The following POU2F2 variants were observed in gnomAD, a reference collection of about 807,000 sequenced individuals.
The protein encoded by POU2F2 is POU class 2 homeobox 2, also known as POU domain, class 2, transcription factor 2.
In POU2F2, 14 loss-of-function variants were observed where a neutral mutation model predicts 63.5. The ratio of observed to expected loss-of-function variants is 0.22; its 90% CI spans 0.15 to 0.34. The LOEUF is 0.34. Ranked by LOEUF, POU2F2 falls within the 10% of genes least tolerant of loss-of-function variation. The probability of loss-of-function intolerance (pLI) is 1.00; values close to 1 mark genes in which losing one functional copy is unlikely to be tolerated. For synonymous variants in POU2F2, 306 were observed against 348.6 expected, an observed-to-expected ratio of 0.88 and a Z score of 1.36; for missense variants, 607 against 815.2, an observed-to-expected ratio of 0.74 and a Z score of 3.11.
At chr19:42,174,593 C>T (rs375609966) in intron 1 of POU2F2, among the ~76,000 whole-genome samples, 9 of 151,848 alleles carry the variant, frequency 5.9e-5, no homozygotes, top group Middle Eastern at 3.4e-3. Flanking sequence ...ACACATGTCA[C>T]GATTCTACAC....
chr19:42,093,826 G>A lies in POU2F2; in HGVS notation c.1264+3C>T. The A allele has an allele frequency of 6.2e-7, 1 of 1,608,250 alleles. No individual in the cohort carries two copies. The highest frequency in any genetic ancestry group is 1.1e-5 in the South Asian group (1 of 90,580). Reference sequence around the variant, plus strand: ...CCCCTCACCATTTTCTGCCCTCCCTGACCTGTTGTGCTCAGACTGCTGGAA... The same window carrying A: ...CCCCTCACCATTTTCTGCCCTCCCTAACCTGTTGTGCTCAGACTGCTGGAA... On this transcript the variant is annotated splice_donor_region_variant and intron_variant, in intron 12 of 14. Transcript: ENST00000692977.
At chr19:42,147,050 C>T (rs1023737471) in intron 2 of POU2F2, among the ~76,000 whole-genome samples, 1 of 152,192 alleles carries the variant, frequency 6.6e-6, no homozygotes, top group Non-Finnish European at 1.5e-5. Flanking sequence ...CCCCTTGGCC[C>T]CCAAAGGGGG....
At chr19:42,197,582 G>T (rs2035165949), upstream of POU2F2, among the ~76,000 whole-genome samples, 1 of 152,160 alleles carries the variant, frequency 6.6e-6, no homozygotes, top group Non-Finnish European at 1.5e-5. Flanking sequence ...CCCTGAGGAA[G>T]GAAAACCCTG....
At position 42,092,114 on chromosome 19, in the gene POU2F2, C is replaced by T. The variant is rs995879478; in HGVS notation, c.1421G>A (p.Gly474Asp). Reference sequence around the variant, plus strand: ...TGACAAGCCGATAGCCGAGTGGCTGCCTTGAGGGCTGGGGTTTGTGCTGTT... The same window carrying T: ...TGACAAGCCGATAGCCGAGTGGCTGTCTTGAGGGCTGGGGTTTGTGCTGTT... ...TTNSTNPSPQGSHSAIGLSGL... is the reference protein window; with the variant it reads ...TTNSTNPSPQDSHSAIGLSGL... Residue 474 changes from glycine (G) to aspartate (D), a missense_variant, in exon 13 of 15, where the codon GGC becomes GAC. Coordinates refer to ENST00000692977, the MANE Select transcript of POU2F2 (RefSeq NM_001394376.1). The surrounding 1 kb of genome is among the most constrained non-coding windows in gnomAD (Gnocchi z 5.0). 9 of 1,591,134 alleles carry T rather than the reference C, an allele frequency of 5.7e-6. No individual in the cohort carries two copies. The highest frequency in any genetic ancestry group is 7.7e-6 in the Non-Finnish European group (9 of 1,170,028).
In POU2F2 at chr19:42,132,414, T is replaced by C; in HGVS notation, c.-3A>G. ...GCCCCCATGCTGGAGTGAACCATGC[T>C]GCCCGCCCCGCCAGGGCTGGGGGAA... On this transcript the variant is annotated 5_prime_UTR_variant, in exon 1 of 15. Coordinates refer to ENST00000692977, the MANE Select transcript of POU2F2 (RefSeq NM_001394376.1). 6.6e-7 allele frequency: 1 copy of C among 1,510,772 alleles called. No homozygotes were observed. The highest frequency in any genetic ancestry group is 8.8e-7 in the Non-Finnish European group (1 of 1,132,658). The allele number at this position is 1,510,772 out of a possible 1,614,324, so 93.6% of individuals were successfully genotyped here.
In POU2F2 at chr19:42,093,015, T is replaced by A. The variant is rs1200462294; in HGVS notation, c.1265-745A>T. On this transcript the variant is annotated intron_variant, in intron 12 of 14. Coordinates refer to ENST00000692977, the MANE Select transcript of POU2F2 (RefSeq NM_001394376.1). The stretch of plus-strand genomic sequence containing the variant: ...TATATATATATATATATATATTTTT[T>A]TTTTTTTTTTTTTTGAGATGGAATC... Among the ~76,000 whole-genome samples, 457 of 132,072 alleles carry A rather than the reference T, an allele frequency of 3.5e-3. 2 individuals are homozygous for A. The highest frequency in any genetic ancestry group is 9.3e-3 in the African/African-American group (308 of 33,052). The allele number at this position is 132,072 out of a possible 152,430, so 86.6% of individuals were successfully genotyped here.
intron 1 of POU2F2, among the ~76,000 whole-genome samples, chr19:42,128,254 A>G (rs1467266701): frequency 2.6e-5 from 4 of 152,020 alleles, no homozygotes; most frequent in Non-Finnish European, 5.9e-5. Flanking sequence ...ACCAGGGCCC[A>G]ATCCTGTCTA....
intron 1 of POU2F2, among the ~76,000 whole-genome samples, chr19:42,182,242 AAGAGAGAGAGAGAGAG>A (rs55947953): frequency 6.3e-5 from 8 of 125,996 alleles, no homozygotes; most frequent in East Asian, 2.3e-4. Context: ...TCTGTCTCAA[AAGAGAGAGAGAGAGAG>A]AGAGAGAGAG....
intron 1 of POU2F2, among the ~76,000 whole-genome samples, chr19:42,171,802 A>C (rs998727898): frequency 6.6e-6 from 1 of 151,948 alleles, no homozygotes; most frequent in Non-Finnish European, 1.5e-5. Flanking sequence ...GTGTGGACTA[A>C]AGTAACCCCC....
At position 42,142,591 on chromosome 19, in the gene POU2F2, C is replaced by T. The variant is rs369667948; in HGVS notation, c.-9+17741G>A. Among the ~76,000 whole-genome samples, 14 of 149,812 alleles carry T rather than the reference C, an allele frequency of 9.3e-5. 1 individual carries two copies. The highest frequency in any genetic ancestry group is 3.4e-4 in the African/African-American group (14 of 40,714). On this transcript the variant is annotated intron_variant, in intron 2 of 6. Coordinates refer to the POU2F2 transcript ENST00000524801. ...TTTGTTTTTGTTTTTGAGACAGGGT[C>T]GTCTCACTCTGTCAACCAGGCTGGA...
At chr19:42,189,209 T>C (rs1396902918) in intron 1 of POU2F2, among the ~76,000 whole-genome samples, 4 of 152,180 alleles carry the variant, frequency 2.6e-5, no homozygotes, top group African/African-American at 9.7e-5. Flanking sequence ...TCCTCTGTAA[T>C]GGCTCCCTGA....
intron 2 of POU2F2, among the ~76,000 whole-genome samples, chr19:42,144,961 G>C (rs1047050702): frequency 6.6e-6 from 1 of 152,230 alleles, no homozygotes; most frequent in Non-Finnish European, 1.5e-5. Context: ...GGCTGAAAAG[G>C]TGTCAACTTT....
chr19:42,186,156 T>G (rs1483492820), intron 1 of POU2F2, among the ~76,000 whole-genome samples: 2 of 151,528 alleles, frequency 1.3e-5, no homozygotes, highest in Non-Finnish European at 2.9e-5. Context: ...CCATCTCTAC[T>G]GAAAATACAA....
chr19:42,182,259 A>AGAGAGC (rs2034970326), intron 1 of POU2F2, among the ~76,000 whole-genome samples: 1 of 150,406 alleles, frequency 6.6e-6, no homozygotes, highest in African/African-American at 2.5e-5. Context: ...AGAGAGAGAG[A>AGAGAGC]GAGAGAGAGA....
intron 1 of POU2F2, among the ~76,000 whole-genome samples, chr19:42,175,802 T>C (rs1319344789): frequency 6.6e-6 from 1 of 151,922 alleles, no homozygotes; most frequent in Admixed American, 6.6e-5. Flanking sequence ...GAGCTCCGTT[T>C]TCCACCTCTC....
At chr19:42,189,306 G>C (rs2035050993) in intron 1 of POU2F2, among the ~76,000 whole-genome samples, 1 of 152,168 alleles carries the variant, frequency 6.6e-6, no homozygotes, top group Admixed American at 6.5e-5. Flanking sequence ...AGGCCAAGGG[G>C]AGTCATGGGA....
At chr19:42,116,948 G>A in intron 5 of POU2F2, 1 of 586,868 alleles carries the variant, frequency 1.7e-6, no homozygotes, top group Non-Finnish European at 3.2e-6. Flanking sequence ...GCGGCCAGGA[G>A]CTGGGCCTGG....
chr19:42,169,194 A>T lies in POU2F2; in HGVS notation c.-70+6769T>A, dbSNP rs934112000. ...GTGTTTGTGTGCTATAACTCAGGGC[A>T]TGGCCCTTTCGGTCACCACGTGTGG... On this transcript the variant is annotated intron_variant, in intron 1 of 6. Transcript: ENST00000524801. The surrounding 1 kb of genome is among the most constrained non-coding windows in gnomAD (Gnocchi z 4.3). 4.6e-5 allele frequency among the ~76,000 whole-genome samples: 7 copies of T among 152,220 alleles called. No individual in the cohort carries two copies. The highest frequency in any genetic ancestry group is 1.7e-4 in the African/African-American group (7 of 41,458).
intron 5 of POU2F2, among the ~76,000 whole-genome samples, chr19:42,101,963 T>C (rs1285749313): frequency 6.8e-6 from 1 of 147,168 alleles, no homozygotes; most frequent in Non-Finnish European, 1.5e-5. Flanking sequence ...GGCAACAGTA[T>C]GAGACTCCAT....
Sources: allele counts gnomAD v4.1 joint callset (sites outside exome capture counted in the v4.1 genomes callset), GRCh38; gene constraint gnomAD v4.1.1; non-coding constraint Gnocchi (gnomAD v3.1); transcripts MANE v1.5; gene names NCBI Gene and HGNC (gene_info 2026-07-23, HGNC 2026-07-21).